CFAP299: variants seen among roughly 807,000 people sequenced by gnomAD.
The protein encoded by CFAP299 is cilia- and flagella-associated protein 299.
A neutral mutation model predicts 27.0 loss-of-function variants in CFAP299; 21 were observed. That is an observed-to-expected ratio of 0.78 (90% CI 0.55 to 1.12). The LOEUF is 1.12. CFAP299 is among the 50% of genes most tolerant of loss of function. The probability of loss-of-function intolerance (pLI) is 0.00; values close to 1 mark genes in which losing one functional copy is unlikely to be tolerated. For synonymous variants in CFAP299, 104 were observed against 98.1 expected (o/e 1.06, Z -0.36); for missense variants, 310 against 276.6 (o/e 1.12, Z -0.86).
At chr4:80,344,931 A>T (rs1722650565) in intron 1 of CFAP299, among the ~76,000 whole-genome samples, 1 of 152,200 alleles carries the variant, frequency 6.6e-6, no homozygotes, top group Non-Finnish European at 1.5e-5. Flanking sequence ...ACCTTCAATA[A>T]AATTCAACAT....
chr4:80,707,409 T>C (rs1721884329), intron 3 of CFAP299, among the ~76,000 whole-genome samples: 1 of 152,006 alleles, frequency 6.6e-6, no homozygotes, highest in African/African-American at 2.4e-5. Context: ...TGTTTATGTA[T>C]CATCTATGGC....
chr4:80,661,927 G>A (rs1362454269), intron 3 of CFAP299, among the ~76,000 whole-genome samples: 1 of 152,158 alleles, frequency 6.6e-6, no homozygotes, highest in East Asian at 1.9e-4. Context: ...GTGGATAAGG[G>A]ATAAAATAAG....
intron 4 of CFAP299, among the ~76,000 whole-genome samples, chr4:80,910,014 A>G (rs1390693673): frequency 6.6e-6 from 1 of 152,162 alleles, no homozygotes; most frequent in African/African-American, 2.4e-5. Context: ...TTATATCTAA[A>G]TTCAATATGC....
intron 2 of CFAP299, among the ~76,000 whole-genome samples, chr4:80,383,431 T>G (rs534276664): frequency 6.6e-6 from 1 of 152,306 alleles, no homozygotes; most frequent in East Asian, 1.9e-4. Context: ...AGGTGAAGCA[T>G]AGATATTTCT....
intron 2 of CFAP299, among the ~76,000 whole-genome samples, chr4:80,398,328 G>A (rs960757511): frequency 2.0e-5 from 3 of 151,960 alleles, no homozygotes; most frequent in African/African-American, 4.8e-5. Flanking sequence ...ACAGAATTGG[G>A]AAAAACTACT....
chr4:80,934,616 A>G (rs1273031453), intron 4 of CFAP299, among the ~76,000 whole-genome samples: 2 of 151,698 alleles, frequency 1.3e-5, no homozygotes, highest in Admixed American at 6.6e-5. Context: ...TCAAGATTCA[A>G]TCTTGTTAGG....
intron 2 of CFAP299, among the ~76,000 whole-genome samples, chr4:80,390,878 T>TATATATGTATATACACATATATGC (rs1725413791): frequency 1.5e-5 from 1 of 66,704 alleles, no homozygotes; most frequent in African/African-American, 4.2e-5. Context: ...CACATATATG[T>TATATATGTATATACACATATATGC]ATATATGTAT....
chr4:80,354,004 T>G (rs1218482314), intron 1 of CFAP299, among the ~76,000 whole-genome samples: 1 of 152,178 alleles, frequency 6.6e-6, no homozygotes, highest in Non-Finnish European at 1.5e-5. Context: ...AGGAAAACAA[T>G]GACCTAAGAA....
intron 4 of CFAP299, among the ~76,000 whole-genome samples, chr4:80,915,714 G>T (rs541292925): frequency 1.3e-5 from 2 of 151,712 alleles, no homozygotes; most frequent in East Asian, 3.9e-4. Flanking sequence ...TATCATTACA[G>T]CTTTGAGAGT....
At chr4:80,328,586 G>T in the CFAP299 span, among the ~76,000 whole-genome samples, 4 of 151,942 alleles carry the variant, frequency 2.6e-5, no homozygotes, top group East Asian at 5.8e-4. Flanking sequence ...TAGGAAAAAA[G>T]GTGTAAAATA....
In CFAP299 at chr4:80,457,496, T is replaced by C. The variant is rs1283579843; in HGVS notation, c.242+94612T>C. On this transcript the variant is annotated intron_variant, in intron 2 of 5. Coordinates refer to ENST00000358105, the MANE Select transcript of CFAP299 (RefSeq NM_152770.3). ...GGAGGCAAGAAATGCCATTCATCTGTGACTTTTAGAAGACACCGGAACAAA... is the reference window on the plus strand; with the variant it reads ...GGAGGCAAGAAATGCCATTCATCTGCGACTTTTAGAAGACACCGGAACAAA... 2.6e-5 allele frequency among the ~76,000 whole-genome samples: 4 copies of C among 152,300 alleles called. No individual in the cohort carries two copies. In the East Asian group the frequency reaches 7.7e-4, roughly 29 times the overall value.
chr4:80,418,217 T>G (rs1489470729), intron 2 of CFAP299, among the ~76,000 whole-genome samples: 1 of 152,064 alleles, frequency 6.6e-6, no homozygotes, highest in Non-Finnish European at 1.5e-5. Context: ...TTCTGGAAGA[T>G]GTACAACAAG....
chr4:80,962,581 A>G (rs965572938), intron 5 of CFAP299, among the ~76,000 whole-genome samples: 1 of 151,900 alleles, frequency 6.6e-6, no homozygotes, highest in Non-Finnish European at 1.5e-5. Context: ...AAAGAGTTGT[A>G]AAATAACACA....
chr4:80,864,457 A>ATATATATATATATATACCTATATAT (rs1560452804), intron 3 of CFAP299, among the ~76,000 whole-genome samples: 8 of 145,832 alleles, frequency 5.5e-5, no homozygotes, highest in African/African-American at 1.0e-4. Flanking sequence ...TACCTATATA[A>ATATATATATATATATACCTATATAT]GTATATATAT....
chr4:80,856,455 A>G (rs1466576138), intron 3 of CFAP299, among the ~76,000 whole-genome samples: 20 of 151,908 alleles, frequency 1.3e-4, no homozygotes, highest in South Asian at 1.0e-3. Flanking sequence ...TGCTTTTGGT[A>G]TTTTAGACAT....
intron 3 of CFAP299, among the ~76,000 whole-genome samples, chr4:80,691,020 AT>A (rs1456947739): frequency 5.7e-5 from 8 of 139,358 alleles, no homozygotes; most frequent in Admixed American, 2.3e-4. Flanking sequence ...GAATAGACCA[AT>A]AACAGGCTCT....
chr4:80,947,218 T>C (rs967204493), intron 5 of CFAP299, among the ~76,000 whole-genome samples: 2 of 152,158 alleles, frequency 1.3e-5, no homozygotes, highest in African/African-American at 4.8e-5. Context: ...TTTGAAGAAA[T>C]TTTTTTCCAA....
At chr4:80,629,989 T>C (rs925049980) in intron 3 of CFAP299, among the ~76,000 whole-genome samples, 1 of 151,958 alleles carries the variant, frequency 6.6e-6, no homozygotes. Context: ...ATTTTTAAAA[T>C]GTTTAGGTGG....
chr4:80,570,719 A>T (rs534304608), intron 2 of CFAP299, among the ~76,000 whole-genome samples: 10 of 152,148 alleles, frequency 6.6e-5, no homozygotes, highest in Non-Finnish European at 1.5e-4. Flanking sequence ...CAAATGTGCT[A>T]TTACATAGCT....
Sources: allele counts gnomAD v4.1 joint callset (sites outside exome capture counted in the v4.1 genomes callset), GRCh38; gene constraint gnomAD v4.1.1; transcripts MANE v1.5; gene names NCBI Gene and HGNC (gene_info 2026-07-23, HGNC 2026-07-21).